The following IL6 variants were observed in gnomAD, a reference collection of about 807,000 sequenced individuals.
The protein encoded by IL6 is interleukin-6.
A neutral mutation model predicts 18.0 loss-of-function variants in IL6; 5 were observed. The ratio of observed to expected loss-of-function variants is 0.28; its 90% CI spans 0.15 to 0.58. IL6 has a LOEUF of 0.58. Ranked by LOEUF, IL6 falls within the 20% of genes least tolerant of loss-of-function variation. The pLI is 0.90. For synonymous variants in IL6, 97 were observed against 95.1 expected, an observed-to-expected ratio of 1.02 and a Z score of -0.12; for missense variants, 266 against 251.0, an observed-to-expected ratio of 1.06 and a Z score of -0.40.
chr7:22,728,735 C>A lies in IL6; in HGVS notation c.253C>A (p.Leu85Met). 1 of 1,613,338 alleles carries A rather than the reference C, an allele frequency of 6.2e-7. No individual in the cohort carries two copies. The highest frequency in any genetic ancestry group is 1.7e-4 in the Middle Eastern group (1 of 6,058). Residue 85 changes from leucine to methionine, a missense_variant, in exon 3 of 5, where the codon CTG (leucine) becomes ATG (methionine). Coordinates refer to ENST00000258743, the MANE Select transcript of IL6 (RefSeq NM_000600.5). ...SNMCESSKEA[L>M]AENNLNLPKM... ...CATGTGTGAAAGCAGCAAAGAGGCA[C>A]TGGCAGAAAACAACCTGAACCTTCC...
rs55998531 is a variant in IL6 at position 22,729,053 on chromosome 7, A to G, written c.324+247A>G. Among the ~76,000 whole-genome samples, 143 of 152,334 alleles carry G rather than the reference A, an allele frequency of 9.4e-4. 3 individuals carry two copies. In the East Asian group the frequency reaches 0.024, roughly 26 times the overall value. Reference sequence around the variant, plus strand: ...CAACTGTCAAATGTTTAAAACTCCCACAGGTTTAATTAGTTCATCCTGGGA... The same window carrying G: ...CAACTGTCAAATGTTTAAAACTCCCGCAGGTTTAATTAGTTCATCCTGGGA... On this transcript the variant is annotated intron_variant, in intron 3 of 4. Coordinates refer to ENST00000258743, the MANE Select transcript of IL6 (RefSeq NM_000600.5).
At chr7:22,731,164 G>T (rs1430293737) in intron 4 of IL6, among the ~76,000 whole-genome samples, 1 of 151,996 alleles carries the variant, frequency 6.6e-6, no homozygotes, top group African/African-American at 2.4e-5. Context: ...CTTGAACCCA[G>T]GAGGCAGAGG....
In IL6 at chr7:22,728,814, C is replaced by T. The variant is rs1387015385; in HGVS notation, c.324+8C>T. ...CAATCTGGATTCAATGAGGTACCAA[C>T]TTGTCGCACTCACTTTTCACTATTC... On this transcript the variant is annotated splice_region_variant and intron_variant, in intron 3 of 4. Transcript: ENST00000258743. The T allele has an allele frequency of 6.7e-7, 1 of 1,493,324 alleles. No individual in the cohort carries two copies. The highest frequency in any genetic ancestry group is 1.4e-5 in the African/African-American group (1 of 72,404). The allele number at this position is 1,493,324 out of a possible 1,614,324, so 92.5% of individuals were successfully genotyped here. A position where few individuals can be genotyped will look rare whatever the true frequency, so the allele number is the denominator to read the frequency against.
Position 22,731,712 on chromosome 7 carries a change from A to G in IL6, c.*139A>G. On this transcript the variant is annotated 3_prime_UTR_variant, in exon 5 of 5. Coordinates refer to ENST00000258743, the MANE Select transcript of IL6 (RefSeq NM_000600.5). The stretch of plus-strand genomic sequence containing the variant: ...TAGGACACTATTTTAATTATTTTTA[A>G]TTTATTAATATTTAAATATGTGAAG... 1 of 405,176 alleles carries G rather than the reference A, an allele frequency of 2.5e-6. No homozygotes were observed. Among genetic ancestry groups the G allele is most frequent in the Non-Finnish European group, 4.1e-6 (1 of 243,314 alleles). The allele number at this position is 405,176 out of a possible 1,614,324, so 25.1% of individuals were successfully genotyped here.
In IL6 at chr7:22,729,591, G is replaced by A. The variant is rs759359627; in HGVS notation, c.402G>A (p.Glu134=). 8.1e-6 allele frequency: 13 copies of A among 1,614,040 alleles called. No homozygotes were observed. The African/African-American group carries it at 1.6e-4, about 20-fold the overall frequency. The change falls in exon 4 of 5, where the codon GAG becomes GAA. Residue 134 remains glutamate, a synonymous_variant. Coordinates refer to ENST00000258743, the MANE Select transcript of IL6 (RefSeq NM_000600.5). ...TAGAGTACCTCCAGAACAGATTTGA[G>A]AGTAGTGAGGAACAAGCCAGAGCTG... is the stretch of plus-strand genomic sequence containing the variant. ...VYLEYLQNRF[E]SSEEQARAVQ... is the part of the protein sequence containing the mutation.
chr7:22,729,767 ACGTAAACAAAAGAGT>A, intron 4 of IL6, 107 bp downstream of exon 4: 2 of 1,585,306 alleles, frequency 1.3e-6, no homozygotes, highest in Non-Finnish European at 1.7e-6. Context: ...AGAAGGCTAC[ACGTAAACAAAAGAGT>A]CTGAGAAATA....
At position 22,728,731 on chromosome 7, in the gene IL6, G is replaced by A. The variant is rs142164099; in HGVS notation, c.249G>A (p.Glu83=). ...GTAACATGTGTGAAAGCAGCAAAGA[G>A]GCACTGGCAGAAAACAACCTGAACC... ...NKSNMCESSK[E]ALAENNLNLP... The change falls in exon 3 of 5, where the codon GAG becomes GAA. Residue 83 remains glutamate (E), a synonymous_variant. Transcript: ENST00000258743. 3 of 1,613,018 alleles carry A rather than the reference G, an allele frequency of 1.9e-6. No individual in the cohort carries two copies. The highest frequency in any genetic ancestry group is 2.5e-6 in the Non-Finnish European group (3 of 1,178,976).
At chr7:22,729,445 C>T in intron 3 of IL6, 69 bp from the exon 4 acceptor site, 1 of 1,471,768 alleles carries the variant, frequency 6.8e-7, no homozygotes, top group Non-Finnish European at 9.4e-7. Flanking sequence ...CGAACTGTGG[C>T]AATTTTAACT....
chr7:22,731,267 A>T, intron 4 of IL6, 139 bp from the exon 5 acceptor site: 1 of 573,792 alleles, frequency 1.7e-6, no homozygotes, highest in Non-Finnish European at 2.9e-6. Flanking sequence ...GAAGGGTCCT[A>T]CTCAGAGCAG....
Position 22,727,451 on chromosome 7 carries a change from C to T in IL6, c.27C>T (p.Phe9=), listed in dbSNP as rs2128174056. ...CGCTCCCCTCCGGCACAGGCGCCTTCGGTCCAGTTGCCTTCTCCCTGGGGC... is the reference window on the plus strand; with the variant it reads ...CGCTCCCCTCCGGCACAGGCGCCTTTGGTCCAGTTGCCTTCTCCCTGGGGC... MNSFSTSA[F]GPVAFSLGLL... Residue 9 remains phenylalanine (F), a synonymous_variant, in exon 2 of 5, where the codon TTC becomes TTT. Coordinates refer to ENST00000258743, the MANE Select transcript of IL6 (RefSeq NM_000600.5). 2.5e-6 allele frequency: 4 copies of T among 1,613,986 alleles called. No homozygotes were observed. The highest frequency in any genetic ancestry group is 2.5e-6 in the Non-Finnish European group (3 of 1,179,908).
At chr7:22,729,824 G>A in intron 4 of IL6, 164 bp downstream of exon 4, 2 of 1,515,880 alleles carry the variant, frequency 1.3e-6, no homozygotes, top group South Asian at 1.3e-5. Flanking sequence ...ATCTTTTTTT[G>A]TTTGTTTGGT....
At chr7:22,728,225 C>T (rs2128174313) in intron 2 of IL6, among the ~76,000 whole-genome samples, 1 of 152,286 alleles carries the variant, frequency 6.6e-6, no homozygotes, top group Non-Finnish European at 1.5e-5. Flanking sequence ...CTGGTTCTGC[C>T]AAACCAGCCT....
intron 2 of IL6, chr7:22,728,467 A>G: frequency 2.0e-6 from 1 of 505,554 alleles, no homozygotes; most frequent in Non-Finnish European, 3.5e-6. Context: ...GGAGATAAGG[A>G]AACTGAGACT....
intron 4 of IL6, among the ~76,000 whole-genome samples, chr7:22,730,685 T>C (rs1784109416): frequency 6.6e-6 from 1 of 152,170 alleles, no homozygotes; most frequent in South Asian, 2.1e-4. Context: ...CCAGGCATTA[T>C]TTCATATGAC....
intron 4 of IL6, chr7:22,730,445 C>A: frequency 4.6e-6 from 1 of 217,612 alleles, no homozygotes; most frequent in Non-Finnish European, 7.8e-6. Flanking sequence ...CAGGACCACA[C>A]TTGGAGGTTT....
At chr7:22,727,388 G>A in intron 1 of IL6, 56 bp from the exon 2 acceptor site, 1 of 1,613,242 alleles carries the variant, frequency 6.2e-7, no homozygotes, top group Non-Finnish European at 8.5e-7. Context: ...AGCAGCAGAG[G>A]CAGGCTCCCA....
chr7:22,727,602 A>C lies in IL6; in HGVS notation c.178A>C (p.Ile60Leu). ...SERIDKQIRY[I>L]LDGISALRKE... ...ACGAATTGACAAACAAATTCGGTACATCCTCGACGGCATCTCAGCCCTGAG... is the reference window on the plus strand; with the variant it reads ...ACGAATTGACAAACAAATTCGGTACCTCCTCGACGGCATCTCAGCCCTGAG... Residue 60 changes from isoleucine (I) to leucine (L), a missense_variant, in exon 2 of 5, where the codon ATC becomes CTC. By Grantham distance (5) the Ile-to-Leu change is conservative (BLOSUM62 2). Coordinates refer to ENST00000258743, the MANE Select transcript of IL6 (RefSeq NM_000600.5). The C allele has an allele frequency of 6.4e-7, 1 of 1,569,200 alleles. No homozygotes were observed. Among genetic ancestry groups the C allele is most frequent in the Non-Finnish European group, 8.6e-7 (1 of 1,158,364 alleles).
Position 22,729,559 on chromosome 7 carries a change from G to T in IL6, c.370G>T (p.Val124Leu). ...CATCACTGGTCTTTTGGAGTTTGAG[G>T]TATACCTAGAGTACCTCCAGAACAG... The part of the protein sequence containing the change: ...KIITGLLEFE[V>L]YLEYLQNRFE... Residue 124 changes from valine to leucine, a missense_variant, in exon 4 of 5, where the codon GTA (valine) becomes TTA (leucine). By Grantham distance (32) the Val-to-Leu change is conservative (BLOSUM62 1). Transcript: ENST00000258743. 1.9e-6 allele frequency: 3 copies of T among 1,614,126 alleles called. No individual in the cohort carries two copies. Among genetic ancestry groups the T allele is most frequent in the Non-Finnish European group, 1.7e-6 (2 of 1,179,998 alleles).
Position 22,727,652 on chromosome 7 carries a change from T to A in IL6, c.210+18T>A. 1 of 1,535,038 alleles carries A rather than the reference T, an allele frequency of 6.5e-7. No individual in the cohort carries two copies. On this transcript the variant is annotated intron_variant, in intron 2 of 4. Transcript: ENST00000258743. ...GAAAGGAGGTGGGTAGGCTTGGCGA[T>A]GGGGTTGAAGGGCCCGGTGCGCATG...
Sources: allele counts gnomAD v4.1 joint callset (sites outside exome capture counted in the v4.1 genomes callset), GRCh38; gene constraint gnomAD v4.1.1; transcripts MANE v1.5; gene names NCBI Gene and HGNC (gene_info 2026-07-23, HGNC 2026-07-21).